Variants in DNAH11 observed in about 807,000 individuals in gnomAD.
DNAH11 encodes the protein dynein axonemal heavy chain 11.
A neutral mutation model predicts 526.0 loss-of-function variants in DNAH11; 442 were observed. That is an observed-to-expected ratio of 0.84 (90% CI 0.78 to 0.91). DNAH11 has a LOEUF of 0.91. DNAH11 is among the 40% of genes least tolerant of loss of function. DNAH11 has a pLI of 0.00. For missense variants in DNAH11, 6,989 were observed against 5,448.7 expected (o/e 1.28, Z -8.90); for synonymous variants, 2,461 against 1,935.9 (o/e 1.27, Z -7.12).
In DNAH11 at chr7:21,683,876, C is replaced by G; in HGVS notation, c.5553C>G (p.Ala1851=). ...QKHCFVNICD[A]QFQYFYEYLG... is the part of the protein sequence containing the mutation. ...ACTGCTTTGTTAATATTTGTGATGC[C>G]CAGTTCCAGTACTTCTATGAATACT... The change falls in exon 32 of 82, where the codon GCC becomes GCG. Residue 1851 remains alanine (A), a synonymous_variant. Transcript: ENST00000409508. The G allele has an allele frequency of 1.2e-6, 2 of 1,613,658 alleles. No homozygotes were observed. Among genetic ancestry groups the G allele is most frequent in the Non-Finnish European group, 1.7e-6 (2 of 1,179,700 alleles).
At chr7:21,820,425 AT>A (rs1214225101) in intron 65 of DNAH11, among the ~76,000 whole-genome samples, 1 of 152,176 alleles carries the variant, frequency 6.6e-6, no homozygotes, top group African/African-American at 2.4e-5. Flanking sequence ...CTTTGATTAC[AT>A]TTTGTTTAAT....
At chr7:21,696,615 A>G (rs1783863082) in intron 35 of DNAH11, among the ~76,000 whole-genome samples, 1 of 152,088 alleles carries the variant, frequency 6.6e-6, no homozygotes, top group Non-Finnish European at 1.5e-5. Context: ...TTGAAATTTG[A>G]AATTGTCTTG....
chr7:21,557,062 CAA>C (rs59996091), intron 2 of DNAH11, among the ~76,000 whole-genome samples: 3 of 137,204 alleles, frequency 2.2e-5, no homozygotes, highest in Non-Finnish European at 3.2e-5. Context: ...GACTCTGTCT[CAA>C]AAAAAAAAAA....
chr7:21,726,043 C>T (rs767107190), intron 45 of DNAH11, 59 bp downstream of exon 45: 33 of 1,422,140 alleles, frequency 2.3e-5, no homozygotes, highest in Non-Finnish European at 2.8e-5. Flanking sequence ...ATAAAAAATA[C>T]CTGCAACTGG....
At chr7:21,879,699 A>G (rs930073750) in intron 74 of DNAH11, among the ~76,000 whole-genome samples, 3 of 152,188 alleles carry the variant, frequency 2.0e-5, no homozygotes, top group South Asian at 2.1e-4. Context: ...GTTCCATGAG[A>G]TCATTCATAC....
Position 21,784,491 on chromosome 7 carries a change from C to G in DNAH11, c.9548C>G (p.Ala3183Gly). The change falls in exon 58 of 82, where the codon GCT becomes GGT. Residue 3183 changes from alanine (A) to glycine (G), a missense_variant. Coordinates refer to ENST00000409508, the MANE Select transcript of DNAH11 (RefSeq NM_001277115.2). ...GAATGTGAAGCTGACTTACTCAAGG[C>G]TGAGCCTGCACTGGTGGCTGCTACA... ...QRECEADLLK[A>G]EPALVAATAA... 1 of 1,613,518 alleles carries G rather than the reference C, an allele frequency of 6.2e-7. No homozygotes were observed. Among genetic ancestry groups the G allele is most frequent in the East Asian group, 2.2e-5 (1 of 44,838 alleles).
At chr7:21,649,981 A>G (rs1273757211) in intron 28 of DNAH11, among the ~76,000 whole-genome samples, 1 of 151,888 alleles carries the variant, frequency 6.6e-6, no homozygotes, top group East Asian at 1.9e-4. Context: ...CTATTCCTTA[A>G]TCTTGTGGTA....
At chr7:21,862,235 G>A (rs1783092854) in intron 69 of DNAH11, among the ~76,000 whole-genome samples, 2 of 151,834 alleles carry the variant, frequency 1.3e-5, no homozygotes, top group Non-Finnish European at 2.9e-5. Context: ...TGGGGAGTGG[G>A]GCCGGTGGGG....
At chr7:21,628,951 T>A (rs1029230416) in intron 25 of DNAH11, among the ~76,000 whole-genome samples, 5 of 152,138 alleles carry the variant, frequency 3.3e-5, no homozygotes, top group African/African-American at 1.2e-4. Flanking sequence ...TAATGTTCAC[T>A]TGGGATTGTT....
In DNAH11 at chr7:21,570,273, T is replaced by C. The variant is rs1166943793; in HGVS notation, c.1399T>C (p.Phe467Leu). 1.2e-6 allele frequency: 2 copies of C among 1,606,474 alleles called. No homozygotes were observed. The highest frequency in any genetic ancestry group is 1.7e-5 in the Admixed American group (1 of 58,578). Residue 467 changes from phenylalanine to leucine, a missense_variant, in exon 7 of 82, where the codon TTT (phenylalanine) becomes CTT (leucine). Coordinates refer to ENST00000409508, the MANE Select transcript of DNAH11 (RefSeq NM_001277115.2). ...SHLVFCRFDK[F>L]LDRLIKIEDI... ...TCTGGTGTTTTGCAGATTTGACAAGTTTCTTGATCGTTTAATAAAAATAGA... is the reference window on the plus strand; with the variant it reads ...TCTGGTGTTTTGCAGATTTGACAAGCTTCTTGATCGTTTAATAAAAATAGA...
chr7:21,741,556 T>C (rs1785899350), intron 48 of DNAH11, among the ~76,000 whole-genome samples: 1 of 152,242 alleles, frequency 6.6e-6, no homozygotes, highest in Non-Finnish European at 1.5e-5. Context: ...TGATCTTGGC[T>C]GGGCTCATCT....
At chr7:21,737,837 T>G (rs17145154) in intron 46 of DNAH11, among the ~76,000 whole-genome samples, 8,340 of 152,140 alleles carry the variant, frequency 0.055, 408 homozygotes, top group East Asian at 0.28. Context: ...AGAGGCAGAT[T>G]TAGTGTTGGC....
chr7:21,594,742 G>T (rs745792083), intron 14 of DNAH11, among the ~76,000 whole-genome samples: 2 of 152,038 alleles, frequency 1.3e-5, no homozygotes, highest in Non-Finnish European at 2.9e-5. Context: ...AAGTAAGTGT[G>T]GGGGGAGTAG....
At chr7:21,683,666 A>G (rs1783240216) in intron 31 of DNAH11, 118 bp from the exon 32 acceptor site, 1 of 1,160,222 alleles carries the variant, frequency 8.6e-7, no homozygotes, top group Admixed American at 2.7e-5. Context: ...AATAGCGTGC[A>G]AGAGATTTCC....
chr7:21,892,694 T>C (rs1205352711), intron 77 of DNAH11, 27 bp downstream of exon 77: 11 of 1,549,946 alleles, frequency 7.1e-6, no homozygotes, highest in Admixed American at 2.0e-5. Context: ...TCCTTTTCTT[T>C]TTCATTGAAG....
chr7:21,612,574 AAAG>A, intron 20 of DNAH11, among the ~76,000 whole-genome samples: 1 of 147,456 alleles, frequency 6.8e-6, no homozygotes, highest in African/African-American at 2.5e-5. Flanking sequence ...AAAAAAAAAA[AAAG>A]AGACTAAGAA....
intron 63 of DNAH11, among the ~76,000 whole-genome samples, chr7:21,810,796 G>A (rs1213889326): frequency 6.6e-6 from 1 of 152,078 alleles, no homozygotes; most frequent in African/African-American, 2.4e-5. Flanking sequence ...ACTAGCAGAA[G>A]AGTTAAGAAA....
intron 28 of DNAH11, among the ~76,000 whole-genome samples, chr7:21,650,440 C>T (rs1787575206): frequency 6.6e-6 from 1 of 151,384 alleles, no homozygotes; most frequent in Non-Finnish European, 1.5e-5. Context: ...AACATATATA[C>T]TTAAACAAAA....
rs1199435797 is a variant in DNAH11, at chr7:21,842,652, A to G, written c.10800A>G (p.Thr3600=). 1.9e-6 allele frequency: 3 copies of G among 1,613,934 alleles called. No individual in the cohort carries two copies. In the South Asian group the frequency reaches 3.3e-5, roughly 18 times the overall value. The change falls in exon 66 of 82, where the codon ACA becomes ACG. Residue 3600 remains threonine, a synonymous_variant. Coordinates refer to ENST00000409508, the MANE Select transcript of DNAH11 (RefSeq NM_001277115.2). ...ATAAGCCGGAATTACAAGCTCAGACAACTCTCCTCAATTTCACAGTCACAG... is the reference window on the plus strand; with the variant it reads ...ATAAGCCGGAATTACAAGCTCAGACGACTCTCCTCAATTTCACAGTCACAG... The part of the protein sequence containing the change: ...PHYKPELQAQ[T]TLLNFTVTED...
Sources: gnomAD v4.1 joint callset for allele counts (sites outside exome capture counted in the v4.1 genomes callset) on GRCh38, gnomAD v4.1.1 for gene constraint, MANE v1.5 for transcripts, NCBI Gene and HGNC (gene_info 2026-07-23, HGNC 2026-07-21) for gene names.